Variants in TRPC6 observed in about 807,000 individuals in gnomAD.
TRPC6 encodes transient receptor potential cation channel subfamily C member 6.
TRPC6 carries 55 observed loss-of-function variants against 90.7 expected under a neutral mutation model. The ratio of observed to expected loss-of-function variants is 0.61; its 90% CI spans 0.49 to 0.76. TRPC6 has a LOEUF of 0.76. Ranked by LOEUF, TRPC6 falls within the 30% of genes least tolerant of loss-of-function variation. The pLI, the probability that TRPC6 is intolerant of heterozygous loss-of-function variation, is 0.00. For missense variants in TRPC6, 989 were observed against 1,122.7 expected, an observed-to-expected ratio of 0.88 and a Z score of 1.70; for synonymous variants, 393 against 393.0, an observed-to-expected ratio of 1.00 and a Z score of 0.00.
At chr11:101,518,332 A>T (rs1860570434) in intron 1 of TRPC6, among the ~76,000 whole-genome samples, 1 of 152,214 alleles carries the variant, frequency 6.6e-6, no homozygotes, top group Non-Finnish European at 1.5e-5. Context: ...TAAAGTGCTC[A>T]AACAACCATA....
intron 6 of TRPC6, 89 bp from the exon 7 acceptor site, chr11:101,473,862 T>C: frequency 3.8e-6 from 6 of 1,582,712 alleles, no homozygotes; most frequent in Non-Finnish European, 5.2e-6. Flanking sequence ...AATATAGTTA[T>C]GTTAGAATCC....
At chr11:101,575,600 G>A (rs1199714848) in intron 1 of TRPC6, among the ~76,000 whole-genome samples, 2 of 152,072 alleles carry the variant, frequency 1.3e-5, no homozygotes, top group African/African-American at 4.8e-5. Context: ...CACAGAAGTC[G>A]CTAATAAATC....
rs1027739540 is a variant in TRPC6, at chr11:101,579,220, T to G, written c.170+4114A>C. Among the ~76,000 whole-genome samples the G allele has an allele frequency of 2.0e-5, 3 of 152,092 alleles. No homozygotes were observed. The East Asian group carries it at 5.8e-4, about 29-fold the overall frequency. ...AATCTGCATTTAGCCCTTCCATTAA[T>G]TTTTTTTAAGAATTGTATTTTTTAC... On this transcript the variant is annotated intron_variant, in intron 1 of 12. Transcript: ENST00000344327.
At chr11:101,521,858 C>A (rs747105802) in intron 1 of TRPC6, among the ~76,000 whole-genome samples, 3 of 152,160 alleles carry the variant, frequency 2.0e-5, no homozygotes, top group Non-Finnish European at 2.9e-5. Context: ...TTGTACAGGG[C>A]CTGTAACTCC....
At chr11:101,513,560 T>G (rs1311949426) in intron 1 of TRPC6, among the ~76,000 whole-genome samples, 1 of 146,100 alleles carries the variant, frequency 6.8e-6, no homozygotes, top group Non-Finnish European at 1.5e-5. Flanking sequence ...GGAAAAGAAA[T>G]TACTGATGAA....
chr11:101,557,222 G>C (rs558292189), intron 1 of TRPC6, among the ~76,000 whole-genome samples: 2 of 152,216 alleles, frequency 1.3e-5, no homozygotes, highest in South Asian at 4.1e-4. Flanking sequence ...AGGCATGGTG[G>C]CACATGCCTG....
intron 1 of TRPC6, among the ~76,000 whole-genome samples, chr11:101,560,014 G>A (rs1191634258): frequency 6.6e-6 from 1 of 151,918 alleles, no homozygotes; most frequent in Non-Finnish European, 1.5e-5. Flanking sequence ...AGTAATATCT[G>A]TCAGATCAAG....
intron 10 of TRPC6, among the ~76,000 whole-genome samples, chr11:101,456,941 AT>A (rs1858898392): frequency 1.3e-5 from 2 of 152,190 alleles, no homozygotes; most frequent in Admixed American, 6.6e-5. Flanking sequence ...AAAAAACTTA[AT>A]GATACAGAGA....
At chr11:101,537,939 T>A (rs1861089856) in intron 1 of TRPC6, among the ~76,000 whole-genome samples, 1 of 152,220 alleles carries the variant, frequency 6.6e-6, no homozygotes, top group Admixed American at 6.5e-5. Context: ...TATGTAGTTT[T>A]AAGCGTATAC....
chr11:101,508,785 T>A (rs182670430), intron 1 of TRPC6, among the ~76,000 whole-genome samples: 1 of 152,188 alleles, frequency 6.6e-6, no homozygotes, highest in African/African-American at 2.4e-5. Flanking sequence ...GCAAGATAAG[T>A]TCTCATGTAA....
chr11:101,507,474 C>A (rs181695383), intron 1 of TRPC6, among the ~76,000 whole-genome samples: 1 of 152,040 alleles, frequency 6.6e-6, no homozygotes, highest in Admixed American at 6.6e-5. Flanking sequence ...TTTTCTGTAT[C>A]CCAGATCTTC....
intron 7 of TRPC6, among the ~76,000 whole-genome samples, chr11:101,472,947 A>T (rs536474395): frequency 5.6e-4 from 82 of 147,556 alleles, no homozygotes; most frequent in Non-Finnish European, 9.8e-4. Flanking sequence ...ATATTTAAAT[A>T]ATCTATTCCA....
In TRPC6 at chr11:101,583,775, C is replaced by T; in HGVS notation, c.-272G>A. 1 of 373,768 alleles carries T rather than the reference C, an allele frequency of 2.7e-6. No individual in the cohort carries two copies. The highest frequency in any genetic ancestry group is 4.8e-6 in the Non-Finnish European group (1 of 210,346). The allele number at this position is 373,768 out of a possible 1,614,324, so 23.2% of individuals were successfully genotyped here. On this transcript the variant is annotated 5_prime_UTR_variant, in exon 1 of 13. Coordinates refer to ENST00000344327, the MANE Select transcript of TRPC6 (RefSeq NM_004621.6). ...AGACCCCGCGAGGATGCGTCTGGGG[C>T]GCCCGGGCAGAGAGGGCACAGGCGG...
chr11:101,490,075 A>C (rs1370449702), intron 3 of TRPC6, among the ~76,000 whole-genome samples: 1 of 152,216 alleles, frequency 6.6e-6, no homozygotes, highest in African/African-American at 2.4e-5. Flanking sequence ...TATTAATTCC[A>C]CATGTAAGAA....
intron 1 of TRPC6, among the ~76,000 whole-genome samples, chr11:101,567,490 C>A (rs2136878603): frequency 6.6e-6 from 1 of 152,348 alleles, no homozygotes. Flanking sequence ...AGCAGTGGAT[C>A]TCCCAGCACA....
chr11:101,476,423 A>C lies in TRPC6; in HGVS notation c.1622T>G (p.Phe541Cys). ...FGMLAIFAAS[F>C]IARFMAFWHA... ...CCAAAATGCCATGAATCTCGCAATGAATGATGCTGCGAAAATTGCTAACAT... is the reference window on the plus strand; with the variant it reads ...CCAAAATGCCATGAATCTCGCAATGCATGATGCTGCGAAAATTGCTAACAT... Residue 541 changes from phenylalanine (F) to cysteine (C), a missense_variant, in exon 6 of 13, where the codon TTC becomes TGC. This residue lies in a region of TRPC6 where 486 missense variants were observed against 591.9 expected (regional missense o/e 0.82). Coordinates refer to ENST00000344327, the MANE Select transcript of TRPC6 (RefSeq NM_004621.6). 1 of 1,614,162 alleles carries C rather than the reference A, an allele frequency of 6.2e-7. No homozygotes were observed. The highest frequency in any genetic ancestry group is 1.1e-5 in the South Asian group (1 of 91,086).
intron 5 of TRPC6, among the ~76,000 whole-genome samples, chr11:101,478,358 C>G (rs1859462748): frequency 6.6e-6 from 1 of 151,902 alleles, no homozygotes; most frequent in Non-Finnish European, 1.5e-5. Flanking sequence ...GTTTTTTTCC[C>G]CCTACTGTGG....
intron 3 of TRPC6, among the ~76,000 whole-genome samples, chr11:101,489,603 ACT>A (rs571187350): frequency 4.5e-4 from 67 of 149,368 alleles, no homozygotes; most frequent in African/African-American, 1.6e-3. Context: ...TGTGCCAAAA[ACT>A]CTTTCACTTA....
intron 7 of TRPC6, among the ~76,000 whole-genome samples, chr11:101,472,970 G>A (rs547879250): frequency 2.1e-3 from 310 of 149,212 alleles, no homozygotes; most frequent in African/African-American, 7.4e-3. Context: ...CACACTTTAT[G>A]AAAAAAAAAA....
Sources: allele counts gnomAD v4.1 joint callset (sites outside exome capture counted in the v4.1 genomes callset), GRCh38; gene constraint gnomAD v4.1.1; regional missense constraint gnomAD v4.1.1; transcripts MANE v1.5; gene names NCBI Gene and HGNC (gene_info 2026-07-23, HGNC 2026-07-21).